The following CYREN variants were observed in gnomAD, a reference collection of about 807,000 sequenced individuals.
CYREN encodes cell cycle regulator of NHEJ, also known as cell cycle regulator of non-homologous end joining.
A neutral mutation model predicts 9.7 loss-of-function variants in CYREN; 7 were observed. The observed-to-expected ratio is 0.72, with a 90% confidence interval of 0.41 to 1.36. The LOEUF is 1.36. CYREN is among the 40% of genes most tolerant of loss of function. The probability of loss-of-function intolerance (pLI) is 0.01; values close to 1 mark genes in which losing one functional copy is unlikely to be tolerated. For synonymous variants in CYREN, 76 were observed against 77.9 expected, an observed-to-expected ratio of 0.98 and a Z score of 0.13; for missense variants, 215 against 198.1, an observed-to-expected ratio of 1.09 and a Z score of -0.51.
chr7:135,147,247 T>C (rs1829564620), intron 2 of CYREN, among the ~76,000 whole-genome samples: 1 of 152,220 alleles, frequency 6.6e-6, no homozygotes, highest in African/African-American at 2.4e-5. Context: ...AAAGCCTCTG[T>C]TCTTCCTTCC....
intron 2 of CYREN, chr7:135,135,467 G>A (rs1017373019): frequency 1.3e-5 from 5 of 386,354 alleles, no homozygotes; most frequent in Non-Finnish European, 1.8e-5. Context: ...AGAAAATATG[G>A]AAAAATATTA....
intron 2 of CYREN, among the ~76,000 whole-genome samples, chr7:135,107,948 C>T (rs145308291): frequency 7.9e-5 from 12 of 152,068 alleles, no homozygotes; most frequent in African/African-American, 2.2e-4. Context: ...TGAATTGAGC[C>T]CTGATTACCA....
intron 2 of CYREN, chr7:135,135,034 G>T: frequency 1.9e-6 from 3 of 1,551,158 alleles, no homozygotes; most frequent in Non-Finnish European, 1.7e-6. Flanking sequence ...TCAAATCTGG[G>T]CCATAAAGAA....
chr7:135,119,420 G>A (rs1390150040), intron 2 of CYREN, among the ~76,000 whole-genome samples: 1 of 151,560 alleles, frequency 6.6e-6, no homozygotes, highest in African/African-American at 2.4e-5. Flanking sequence ...TAGTAGAGAC[G>A]AGGTTTTGCT....
intron 2 of CYREN, among the ~76,000 whole-genome samples, chr7:135,145,461 G>A (rs1210549138): frequency 1.3e-5 from 2 of 152,174 alleles, no homozygotes; most frequent in Non-Finnish European, 2.9e-5. Context: ...GATGTGAGAA[G>A]CCAGGACAAC....
chr7:135,144,667 G>A (rs913431128), intron 2 of CYREN, among the ~76,000 whole-genome samples: 1 of 151,930 alleles, frequency 6.6e-6, no homozygotes, highest in Non-Finnish European at 1.5e-5. Context: ...TGTAATCCCA[G>A]CATTCTGGGA....
intron 2 of CYREN, among the ~76,000 whole-genome samples, chr7:135,118,862 C>A (rs6467573): frequency 0.93 from 141,677 of 152,188 alleles, 66,709 homozygotes; most frequent in Non-Finnish European, 1. Flanking sequence ...TGAAAAATAC[C>A]ACTGAAATTT....
intron 2 of CYREN, chr7:135,129,744 C>G (rs1283788821): frequency 1.1e-5 from 8 of 701,766 alleles, no homozygotes; most frequent in Middle Eastern, 4.2e-4. Flanking sequence ...AATCTTTTGT[C>G]AAGTACACAA....
downstream of CYREN, chr7:135,165,340 T>C (rs1484682644): frequency 2.6e-5 from 6 of 233,786 alleles, no homozygotes; most frequent in East Asian, 5.1e-4. Flanking sequence ...ATTGCTGTCA[T>C]GGGGCCAGAC....
intron 2 of CYREN, among the ~76,000 whole-genome samples, chr7:135,115,011 C>T (rs1355837139): frequency 6.6e-6 from 1 of 152,182 alleles, no homozygotes; most frequent in Non-Finnish European, 1.5e-5. Context: ...GAACACACTA[C>T]TATTCTCCTA....
At chr7:135,096,775 G>GAAAGAAAGAAAGAA (rs1350362783) in intron 2 of CYREN, among the ~76,000 whole-genome samples, 9 of 148,540 alleles carry the variant, frequency 6.1e-5, no homozygotes, top group African/African-American at 2.0e-4. Context: ...AAGAAAGAAA[G>GAAAGAAAGAAAGAA]AAAGAAAGAA....
chr7:135,094,304 G>T, exon 3 of CYREN: 1 of 449,568 alleles, frequency 2.2e-6, no homozygotes, highest in Non-Finnish European at 4.5e-6. Flanking sequence ...GAGAACTGAG[G>T]CTGACAAGTA....
At chr7:135,121,867 G>T (rs1384621798) in intron 2 of CYREN, among the ~76,000 whole-genome samples, 1 of 152,168 alleles carries the variant, frequency 6.6e-6, no homozygotes, top group Middle Eastern at 3.2e-3. Context: ...TACCCAGCCG[G>T]GGAAACCGTG....
chr7:135,131,340 T>C (rs1237294694), intron 2 of CYREN, among the ~76,000 whole-genome samples: 3 of 151,814 alleles, frequency 2.0e-5, no homozygotes, highest in Admixed American at 1.3e-4. Context: ...GGAGGGAACA[T>C]AGAGGATGTG....
intron 2 of CYREN, among the ~76,000 whole-genome samples, chr7:135,147,517 T>C (rs1829570307): frequency 6.6e-6 from 1 of 152,136 alleles, no homozygotes; most frequent in Non-Finnish European, 1.5e-5. Context: ...CTTACAAAAA[T>C]AAAAGCTTTG....
At chr7:135,160,085 G>T (rs1442255442) in intron 2 of CYREN, among the ~76,000 whole-genome samples, 1 of 152,216 alleles carries the variant, frequency 6.6e-6, no homozygotes, top group Non-Finnish European at 1.5e-5. Context: ...CACATAGAAT[G>T]ATGTTCACAA....
chr7:135,104,611 A>G (rs988685292), intron 2 of CYREN, among the ~76,000 whole-genome samples: 10 of 152,136 alleles, frequency 6.6e-5, no homozygotes, highest in Non-Finnish European at 1.0e-4. Context: ...ACTTTTTAAT[A>G]ATAGTCATTC....
intron 2 of CYREN, among the ~76,000 whole-genome samples, chr7:135,094,958 A>G (rs1822437795): frequency 6.6e-6 from 1 of 152,210 alleles, no homozygotes; most frequent in East Asian, 1.9e-4. Flanking sequence ...TGTTGAGAGC[A>G]CAGATGTTTG....
intron 2 of CYREN, chr7:135,148,050 C>T (rs990892482): frequency 2.4e-5 from 11 of 456,080 alleles, no homozygotes; most frequent in African/African-American, 2.2e-4. Context: ...TGACATCAGT[C>T]AGAACAAATG....
Sources: allele counts gnomAD v4.1 joint callset (sites outside exome capture counted in the v4.1 genomes callset), GRCh38; gene constraint gnomAD v4.1.1; transcripts MANE v1.5; gene names NCBI Gene and HGNC (gene_info 2026-07-23, HGNC 2026-07-21).